DPP6: variants seen among roughly 807,000 people sequenced by gnomAD.
DPP6 encodes the protein dipeptidyl peptidase like 6, also known as A-type potassium channel modulatory protein DPP6.
Under a neutral mutation model 122.6 loss-of-function variants are expected in DPP6, and 69 were observed. That is an observed-to-expected ratio of 0.56 (90% CI 0.46 to 0.69). The LOEUF (loss-of-function observed/expected upper bound fraction) is 0.69. Among genes scored for constraint, DPP6 ranks in the 30% least tolerant of loss-of-function variants. The probability of loss-of-function intolerance (pLI) is 0.00; values close to 1 mark genes in which losing one functional copy is unlikely to be tolerated. For missense variants in DPP6, 928 were observed against 1,116.9 expected (o/e 0.83, Z 2.41); for synonymous variants, 418 against 433.1 (o/e 0.97, Z 0.43).
At chr7:154,410,469 C>G (rs888359069) in intron 1 of DPP6, among the ~76,000 whole-genome samples, 1 of 152,176 alleles carries the variant, frequency 6.6e-6, no homozygotes, top group African/African-American at 2.4e-5. Flanking sequence ...ATTTATGAGG[C>G]AGATGAAACA....
chr7:154,619,947 C>A (rs1316062017), intron 5 of DPP6, among the ~76,000 whole-genome samples: 3 of 152,204 alleles, frequency 2.0e-5, no homozygotes, highest in African/African-American at 7.2e-5. Context: ...CACAGAGAAG[C>A]ACTTGAAGTA....
chr7:154,868,498 G>A (rs1804087195), intron 18 of DPP6, among the ~76,000 whole-genome samples: 3 of 152,186 alleles, frequency 2.0e-5, no homozygotes, highest in African/African-American at 7.2e-5. Flanking sequence ...CGTCCTTGCA[G>A]CCAGGGTTTA....
intron 3 of DPP6, among the ~76,000 whole-genome samples, chr7:154,532,395 T>C (rs1042881614): frequency 1.3e-5 from 2 of 151,650 alleles, no homozygotes; most frequent in African/African-American, 4.8e-5. Context: ...GGAAAAAAAA[T>C]ATCAAACCAA....
chr7:154,523,926 C>A (rs1027253273), intron 3 of DPP6, among the ~76,000 whole-genome samples: 4 of 152,228 alleles, frequency 2.6e-5, no homozygotes, highest in African/African-American at 9.6e-5. Context: ...ATTAACTTTT[C>A]TCCAAATGAG....
chr7:154,267,854 C>CAT lies in DPP6; in HGVS notation c.244-178353_244-178352dup, dbSNP rs374210283. ...ATATACACACGTATATGCACACATA[C>CAT]ATATATATGTGTGTGTATATATTTA... On this transcript the variant is annotated intron_variant, in intron 1 of 25. Transcript: ENST00000377770. Among the ~76,000 whole-genome samples, 53 of 87,786 alleles carry CAT rather than the reference C, an allele frequency of 6.0e-4. 3 individuals are homozygous for CAT. The highest frequency in any genetic ancestry group is 4.1e-4 in the Non-Finnish European group (17 of 41,860). 57.6% of individuals were successfully genotyped at this position (87,786 alleles called of 152,430 possible). A position where few individuals can be genotyped will look rare whatever the true frequency, so the allele number is the denominator to read the frequency against.
At chr7:154,608,627 C>T (rs1056299782) in intron 5 of DPP6, among the ~76,000 whole-genome samples, 10 of 151,914 alleles carry the variant, frequency 6.6e-5, no homozygotes, top group African/African-American at 2.4e-4. Flanking sequence ...TGAGCCACTG[C>T]GCCCGGCCGA....
At chr7:153,988,375 C>CTT (rs1796951726) in intron 1 of DPP6, among the ~76,000 whole-genome samples, 1 of 151,874 alleles carries the variant, frequency 6.6e-6, no homozygotes, top group African/African-American at 2.4e-5. Context: ...GTGGATACCA[C>CTT]TGTCCTCTGG....
intron 16 of DPP6, among the ~76,000 whole-genome samples, chr7:154,853,111 C>CT (rs1471828227): frequency 6.6e-6 from 1 of 152,184 alleles, no homozygotes; most frequent in Non-Finnish European, 1.5e-5. Context: ...TTCAGGGAGA[C>CT]TTTTTTTCTT....
chr7:154,317,896 A>C (rs1807572183), intron 1 of DPP6, among the ~76,000 whole-genome samples: 1 of 152,248 alleles, frequency 6.6e-6, no homozygotes, highest in African/African-American at 2.4e-5. Context: ...GATTGCTGTG[A>C]GTGGAGAGTC....
chr7:153,776,766 T>C, the DPP6 span, among the ~76,000 whole-genome samples: 1 of 152,164 alleles, frequency 6.6e-6, no homozygotes. Flanking sequence ...CCCATAGAAA[T>C]ACTAATTAAA....
chr7:154,240,425 C>G (rs1801515946), intron 1 of DPP6, among the ~76,000 whole-genome samples: 1 of 152,162 alleles, frequency 6.6e-6, no homozygotes, highest in African/African-American at 2.4e-5. Flanking sequence ...AGGCTTTTGT[C>G]TTTCTATGAG....
intron 1 of DPP6, among the ~76,000 whole-genome samples, chr7:153,900,292 G>C (rs956018587): frequency 1.3e-5 from 2 of 150,004 alleles, no homozygotes; most frequent in Non-Finnish European, 3.0e-5. Context: ...CCCTAAAGCT[G>C]CTTTCAGATT....
intron 3 of DPP6, among the ~76,000 whole-genome samples, chr7:154,507,831 A>T (rs1825775677): frequency 7.0e-6 from 1 of 142,382 alleles, no homozygotes; most frequent in Non-Finnish European, 1.6e-5. Flanking sequence ...TATAATATTA[A>T]GATAAAATTT....
At position 154,624,139 on chromosome 7, in the gene DPP6, C is replaced by A. The variant is rs914759548; in HGVS notation, c.628-13682C>A. On this transcript the variant is annotated intron_variant, in intron 5 of 25. Coordinates refer to ENST00000377770, the MANE Select transcript of DPP6 (RefSeq NM_130797.4). The surrounding 1 kb of genome is among the most constrained non-coding windows in gnomAD (Gnocchi z 4.7). ...GATCAGGAGTTCAAGACCAGCCTGG[C>A]CAAAATGGTGAAACCCTGTCTCTAC... 6.6e-6 allele frequency among the ~76,000 whole-genome samples: 1 copy of A among 152,054 alleles called. No homozygotes were observed. Among genetic ancestry groups the A allele is most frequent in the Non-Finnish European group, 1.5e-5 (1 of 68,008 alleles).
chr7:154,872,280 G>A (rs3778741), intron 18 of DPP6, among the ~76,000 whole-genome samples: 36,337 of 152,180 alleles, frequency 0.24, 5,734 homozygotes, highest in East Asian at 0.54. Context: ...CTTTGTTGCC[G>A]CAGGCAGCCC....
At chr7:154,845,128 T>C (rs755515435) in intron 16 of DPP6, among the ~76,000 whole-genome samples, 1 of 152,218 alleles carries the variant, frequency 6.6e-6, no homozygotes, top group Non-Finnish European at 1.5e-5. Context: ...TGGGAGGTCA[T>C]TCATTCATTA....
Position 154,486,034 on chromosome 7 carries a change from A to G in DPP6, c.457+10997A>G, listed in dbSNP as rs112193533. 8.0e-5 allele frequency among the ~76,000 whole-genome samples: 12 copies of G among 150,698 alleles called. No homozygotes were observed. The highest frequency in any genetic ancestry group is 6.6e-5 in the Admixed American group (1 of 15,148). ...AACTATGAGTCAAAGACACTAAATCACTTTTTCAAAGTTACCAAGATGGCT... is the reference window on the plus strand; with the variant it reads ...AACTATGAGTCAAAGACACTAAATCGCTTTTTCAAAGTTACCAAGATGGCT... On this transcript the variant is annotated intron_variant, in intron 3 of 25. Transcript: ENST00000377770. This position sits in a 1 kb window ranked among gnomAD's most constrained non-coding sequence, Gnocchi z 4.5.
intron 1 of DPP6, among the ~76,000 whole-genome samples, chr7:154,424,314 T>A (rs1817717278): frequency 6.6e-6 from 1 of 152,180 alleles, no homozygotes; most frequent in African/African-American, 2.4e-5. Context: ...TAAAACAACA[T>A]AAATTTATTA....
intron 1 of DPP6, among the ~76,000 whole-genome samples, chr7:153,899,167 T>TTCTTCCTTCTCCTCTTCC (rs977373465): frequency 6.6e-6 from 1 of 151,600 alleles, no homozygotes; most frequent in Non-Finnish European, 1.5e-5. Context: ...CCTCCTCCTC[T>TTCTTCCTTCTCCTCTTCC]TCTTCCTTCT....
Sources: gnomAD v4.1 joint callset for allele counts (sites outside exome capture counted in the v4.1 genomes callset) on GRCh38, gnomAD v4.1.1 for gene constraint, Gnocchi (gnomAD v3.1) non-coding constraint, MANE v1.5 for transcripts, NCBI Gene and HGNC (gene_info 2026-07-23, HGNC 2026-07-21) for gene names.